MAP7D2: variants seen among roughly 807,000 people sequenced by gnomAD.
The protein encoded by MAP7D2 is MAP7 domain containing 2.
A neutral mutation model predicts 63.5 loss-of-function variants in MAP7D2; 33 were observed. The ratio of observed to expected loss-of-function variants is 0.52; its 90% CI spans 0.39 to 0.70. The LOEUF (loss-of-function observed/expected upper bound fraction) is 0.70. Ranked by LOEUF, MAP7D2 falls within the 30% of genes least tolerant of loss-of-function variation. The pLI, the probability that MAP7D2 is intolerant of heterozygous loss-of-function variation, is 0.00. For synonymous variants in MAP7D2, 224 were observed against 223.7 expected (o/e 1.00, Z -0.01); for missense variants, 626 against 604.0 (o/e 1.04, Z -0.38).
At chrX:20,088,469 T>G (rs12840909) in intron 1 of MAP7D2, among the ~76,000 whole-genome samples, 1 of 18,415 alleles carries the variant, frequency 5.4e-5, no homozygotes, top group African/African-American at 1.4e-3. Context: ...TAATTTTCAG[T>G]TTTTTTTTTT....
rs1401947539 is a variant in MAP7D2, at chrX:20,052,773, G to A, written c.595+105C>T. 4.9e-6 allele frequency: 3 copies of A among 606,728 alleles called. No individual in the cohort carries two copies. The Admixed American group carries it at 7.6e-5, about 15-fold the overall frequency. 50.0% of individuals were successfully genotyped at this position (606,728 alleles called of 1,213,427 possible). On this transcript the variant is annotated intron_variant, in intron 5 of 16. Coordinates refer to ENST00000379643, the MANE Select transcript of MAP7D2 (RefSeq NM_001168465.2). The stretch of plus-strand genomic sequence containing the variant: ...AGACCACAAGACTAGGACAATGACG[G>A]TATCTGCAGAAGGCTCAAGAGGAGA...
rs191062146 is a variant in MAP7D2, at chrX:20,030,152, C to T, written c.1008-4200G>A. Among the ~76,000 whole-genome samples, 6 of 112,220 alleles carry T rather than the reference C, an allele frequency of 5.3e-5. No individual in the cohort carries two copies. The East Asian group carries it at 1.7e-3, about 31-fold the overall frequency. ...TGTATGGAGGTTTATTCTGAAGTAC[C>T]TTCTCATCTATTTAACAAGGGTCTA... is the stretch of plus-strand genomic sequence containing the variant. On this transcript the variant is annotated intron_variant, in intron 8 of 16. Coordinates refer to ENST00000379643, the MANE Select transcript of MAP7D2 (RefSeq NM_001168465.2).
chrX:20,108,282 T>G, intron 1 of MAP7D2, among the ~76,000 whole-genome samples: 1 of 109,028 alleles, frequency 9.2e-6, no homozygotes, highest in East Asian at 2.9e-4. Context: ...TCACCTAGGC[T>G]GGAGTGCAGT....
intron 1 of MAP7D2, among the ~76,000 whole-genome samples, chrX:20,089,412 G>C (rs1008407006): frequency 1.8e-5 from 2 of 111,785 alleles, no homozygotes; most frequent in African/African-American, 6.5e-5. Flanking sequence ...GTCCATTTGG[G>C]AAATATTGTA....
At chrX:20,029,093 G>A (rs372779082) in intron 8 of MAP7D2, among the ~76,000 whole-genome samples, 2 of 112,433 alleles carry the variant, frequency 1.8e-5, no homozygotes, top group Non-Finnish European at 3.8e-5. Flanking sequence ...TGGCCTGCGA[G>A]CCCACACTCT....
intron 1 of MAP7D2, among the ~76,000 whole-genome samples, chrX:20,089,712 C>G (rs931666422): frequency 3.6e-5 from 4 of 112,578 alleles, no homozygotes; most frequent in African/African-American, 1.3e-4. Flanking sequence ...CGTTTTAGAT[C>G]ATTAATAACT....
chrX:20,070,530 T>C (rs1402775743), intron 1 of MAP7D2, among the ~76,000 whole-genome samples: 4 of 110,850 alleles, frequency 3.6e-5, no homozygotes, highest in Non-Finnish European at 7.5e-5. Flanking sequence ...GGGAAGGACC[T>C]AAAGGGGATA....
intron 1 of MAP7D2, among the ~76,000 whole-genome samples, chrX:20,104,997 C>A (rs1360906875): frequency 1.8e-5 from 2 of 112,017 alleles, no homozygotes; most frequent in Non-Finnish European, 3.8e-5. Flanking sequence ...ATAAGCACAT[C>A]AGCAGAATTC....
At chrX:20,089,683 T>G (rs766482438) in intron 1 of MAP7D2, among the ~76,000 whole-genome samples, 1 of 112,607 alleles carries the variant, frequency 8.9e-6, no homozygotes, top group South Asian at 3.7e-4. Context: ...GTCATTCCCT[T>G]GGAGCAGGAG....
chrX:20,048,884 T>C (rs752533383), intron 6 of MAP7D2, among the ~76,000 whole-genome samples: 64 of 110,293 alleles, frequency 5.8e-4, no homozygotes, highest in African/African-American at 2.0e-3. Flanking sequence ...ATCACATCAC[T>C]GCATTCTAGC....
At chrX:20,020,609 G>A (rs1361830464) in intron 10 of MAP7D2, among the ~76,000 whole-genome samples, 1 of 111,313 alleles carries the variant, frequency 9.0e-6, no homozygotes, top group African/African-American at 3.3e-5. Flanking sequence ...TACCTCTCTT[G>A]GCTTTCCCTT....
chrX:20,023,225 A>G, intron 10 of MAP7D2, among the ~76,000 whole-genome samples: 1 of 113,080 alleles, frequency 8.8e-6, no homozygotes, highest in East Asian at 2.7e-4. Context: ...GAGCTGGTTT[A>G]GCACAACAAA....
chrX:20,013,662 G>A (rs1209521314), intron 12 of MAP7D2, 37 bp from the exon 13 acceptor site: 4 of 1,017,925 alleles, frequency 3.9e-6, no homozygotes, highest in Non-Finnish European at 5.4e-6. Context: ...TCAAGTAAGA[G>A]GACAATAAGA....
At chrX:20,024,373 T>C (rs932795730) in intron 10 of MAP7D2, among the ~76,000 whole-genome samples, 4 of 111,685 alleles carry the variant, frequency 3.6e-5, no homozygotes, top group Non-Finnish European at 7.5e-5. Flanking sequence ...CTTCAAGGTG[T>C]AGGGACCACT....
intron 1 of MAP7D2, among the ~76,000 whole-genome samples, chrX:20,115,546 G>A (rs1212126191): frequency 9.0e-6 from 1 of 111,581 alleles, no homozygotes; most frequent in African/African-American, 3.3e-5. Context: ...CATTTCAAAG[G>A]TAGTTATAAC....
At chrX:20,066,045 C>A (rs912618343) in intron 1 of MAP7D2, among the ~76,000 whole-genome samples, 3 of 109,634 alleles carry the variant, frequency 2.7e-5, no homozygotes, top group Non-Finnish European at 3.8e-5. Context: ...GCCTCAGCCT[C>A]CCGAGTAGCT....
chrX:20,116,095 C>T (rs1238741129), intron 1 of MAP7D2, among the ~76,000 whole-genome samples: 1 of 112,967 alleles, frequency 8.9e-6, no homozygotes, highest in Non-Finnish European at 1.9e-5. Flanking sequence ...TCGGCAGCCT[C>T]GAGGGCTGAG....
intron 1 of MAP7D2, among the ~76,000 whole-genome samples, chrX:20,079,837 A>G (rs1211714346): frequency 3.6e-5 from 4 of 110,862 alleles, no homozygotes; most frequent in African/African-American, 6.6e-5. Context: ...TCCTGGAATC[A>G]TTTCAGTCTT....
At chrX:20,102,064 G>T (rs2066449435) in intron 1 of MAP7D2, among the ~76,000 whole-genome samples, 1 of 112,213 alleles carries the variant, frequency 8.9e-6, no homozygotes, top group Non-Finnish European at 1.9e-5. Flanking sequence ...TATTGACTAG[G>T]AGGAGGCATG....
Sources: allele counts gnomAD v4.1 joint callset (sites outside exome capture counted in the v4.1 genomes callset), GRCh38; gene constraint gnomAD v4.1.1; transcripts MANE v1.5; gene names NCBI Gene and HGNC (gene_info 2026-07-23, HGNC 2026-07-21).